The following C8orf34 variants were observed in gnomAD, a reference collection of about 807,000 sequenced individuals.
C8orf34 encodes chromosome 8 open reading frame 34.
A neutral mutation model predicts 68.3 loss-of-function variants in C8orf34; 65 were observed. The ratio of observed to expected loss-of-function variants is 0.95; its 90% confidence interval spans 0.78 to 1.17. C8orf34 has a LOEUF of 1.17. Among genes scored for constraint, C8orf34 ranks in the 50% most tolerant of loss-of-function variants. C8orf34 has a pLI of 0.00. For missense variants in C8orf34, 664 were observed against 655.4 expected, an observed-to-expected ratio of 1.01 and a Z score of -0.14; for synonymous variants, 244 against 241.2, an observed-to-expected ratio of 1.01 and a Z score of -0.11.
intron 7 of C8orf34, among the ~76,000 whole-genome samples, chr8:68,538,268 T>C (rs755421507): frequency 3.3e-4 from 51 of 152,280 alleles, no homozygotes; most frequent in Non-Finnish European, 6.6e-4. Context: ...GATTGGCATA[T>C]GTGGTGGTGT....
chr8:68,725,804 TG>T (rs1264711307), intron 10 of C8orf34, among the ~76,000 whole-genome samples: 2 of 152,206 alleles, frequency 1.3e-5, no homozygotes, highest in Non-Finnish European at 2.9e-5. Flanking sequence ...GGTACTTATT[TG>T]CAAATTTGTA....
intron 1 of C8orf34, among the ~76,000 whole-genome samples, chr8:68,373,200 G>C (rs1368629294): frequency 2.6e-5 from 4 of 152,054 alleles, no homozygotes; most frequent in African/African-American, 9.7e-5. Flanking sequence ...TCGCTATGTT[G>C]GCCAGGCTGG....
intron 1 of C8orf34, among the ~76,000 whole-genome samples, chr8:68,357,142 A>T (rs1806784804): frequency 6.6e-6 from 1 of 152,188 alleles, no homozygotes. Context: ...TAAAAAATAT[A>T]ATCGTCTTAG....
intron 8 of C8orf34, among the ~76,000 whole-genome samples, chr8:68,701,839 G>C (rs184386114): frequency 6.6e-6 from 1 of 151,996 alleles, no homozygotes; most frequent in African/African-American, 2.4e-5. Context: ...AAGCCACTCC[G>C]GTCATTGGCC....
intron 6 of C8orf34, chr8:68,525,790 A>C (rs117039781): frequency 4.6e-6 from 2 of 432,800 alleles, no homozygotes; most frequent in East Asian, 1.0e-4. Flanking sequence ...GCTTCATCAC[A>C]GTGAGAAACA....
intron 6 of C8orf34, among the ~76,000 whole-genome samples, chr8:68,527,419 AAAATT>A (rs1307460369): frequency 1.3e-5 from 2 of 152,022 alleles, no homozygotes; most frequent in African/African-American, 4.8e-5. Context: ...AAAAATACAA[AAAATT>A]AGCCGGGCGT....
chr8:68,668,882 T>C (rs1819922686), intron 8 of C8orf34, among the ~76,000 whole-genome samples: 1 of 152,074 alleles, frequency 6.6e-6, no homozygotes. Context: ...GAGGAGTCCT[T>C]AGGAGGAACT....
chr8:68,345,849 A>G (rs1806261155), intron 1 of C8orf34, among the ~76,000 whole-genome samples: 1 of 149,654 alleles, frequency 6.7e-6, no homozygotes, highest in African/African-American at 2.5e-5. Context: ...AAAATACACA[A>G]TAGCATTTAG....
chr8:68,419,834 G>C (rs1261094331), intron 1 of C8orf34, among the ~76,000 whole-genome samples: 1 of 112,484 alleles, frequency 8.9e-6, no homozygotes, highest in Non-Finnish European at 1.8e-5. Context: ...GTTGTGGGGT[G>C]GGGGAAGGGG....
intron 1 of C8orf34, among the ~76,000 whole-genome samples, chr8:68,379,462 C>T (rs577768368): frequency 3.3e-5 from 5 of 152,290 alleles, no homozygotes; most frequent in South Asian, 2.1e-4. Context: ...CTTCATGCCC[C>T]GCTCCACAGC....
At chr8:68,742,700 C>G (rs1020745730) in intron 10 of C8orf34, among the ~76,000 whole-genome samples, 4 of 152,188 alleles carry the variant, frequency 2.6e-5, no homozygotes, top group Non-Finnish European at 4.4e-5. Flanking sequence ...ATTGCCCTTA[C>G]CTGTCTTCTG....
At position 68,435,088 on chromosome 8, in the gene C8orf34, C is replaced by A. The variant is rs191316271; in HGVS notation, c.328-4411C>A. The stretch of plus-strand genomic sequence containing the variant: ...AGAGAATATTGATTCATTTTATTAT[C>A]AGAAAATATAAGCCCAATAAAATAT... On this transcript the variant is annotated intron_variant, in intron 1 of 13. Transcript: ENST00000518698. Among the ~76,000 whole-genome samples the A allele has an allele frequency of 2.4e-3, 363 of 148,830 alleles. 3 individuals are homozygous for A. The highest frequency in any genetic ancestry group is 8.7e-3 in the African/African-American group (355 of 40,622).
At chr8:68,364,098 G>GTC (rs1305822292) in intron 1 of C8orf34, among the ~76,000 whole-genome samples, 4 of 1,424 alleles carry the variant, frequency 2.8e-3, no homozygotes, top group Non-Finnish European at 4.1e-3. Flanking sequence ...TGCAATCCTA[G>GTC]TCTCTGATAA....
At chr8:68,687,183 A>G (rs1380312040) in intron 8 of C8orf34, among the ~76,000 whole-genome samples, 1 of 152,162 alleles carries the variant, frequency 6.6e-6, no homozygotes, top group Non-Finnish European at 1.5e-5. Context: ...AAAAATGACA[A>G]TATGTCCCAA....
intron 7 of C8orf34, among the ~76,000 whole-genome samples, chr8:68,567,660 T>TCTCGG (rs1385804623): frequency 3.1e-5 from 4 of 128,812 alleles, no homozygotes; most frequent in Admixed American, 9.0e-5. Flanking sequence ...AGTCGTGCAA[T>TCTCGG]CTCGGCTCAC....
intron 7 of C8orf34, among the ~76,000 whole-genome samples, chr8:68,568,161 C>A (rs959675726): frequency 8.5e-5 from 13 of 152,234 alleles, no homozygotes; most frequent in Non-Finnish European, 1.8e-4. Flanking sequence ...AATAGGAACA[C>A]CACACATCAC....
intron 8 of C8orf34, among the ~76,000 whole-genome samples, chr8:68,701,263 C>T (rs1821008173): frequency 6.6e-6 from 1 of 152,078 alleles, no homozygotes. Context: ...CTCTACCTAC[C>T]TGTCTGAAAT....
intron 10 of C8orf34, among the ~76,000 whole-genome samples, chr8:68,769,309 T>G (rs1401351909): frequency 6.6e-6 from 1 of 151,958 alleles, no homozygotes; most frequent in Non-Finnish European, 1.5e-5. Context: ...TTTTTTTATT[T>G]TTAAACTTTC....
intron 8 of C8orf34, among the ~76,000 whole-genome samples, chr8:68,699,979 G>A (rs1348853163): frequency 6.6e-6 from 1 of 152,024 alleles, no homozygotes; most frequent in Non-Finnish European, 1.5e-5. Context: ...AGAGGCAAAT[G>A]TTCAGAGGTT....
Sources: allele counts gnomAD v4.1 joint callset (sites outside exome capture counted in the v4.1 genomes callset), GRCh38; gene constraint gnomAD v4.1.1; transcripts MANE v1.5; gene names NCBI Gene and HGNC (gene_info 2026-07-23, HGNC 2026-07-21).